Variants in ACSS3 observed in about 807,000 individuals in gnomAD.
ACSS3 encodes acyl-CoA synthetase short chain family member 3.
Under a neutral mutation model 84.2 loss-of-function variants are expected in ACSS3, and 64 were observed. The ratio of observed to expected loss-of-function variants is 0.76; its 90% CI spans 0.62 to 0.94. The LOEUF (loss-of-function observed/expected upper bound fraction) is 0.94. Among genes scored for constraint, ACSS3 ranks in the 40% least tolerant of loss-of-function variants. The pLI is 0.00. For missense variants in ACSS3, 815 were observed against 867.6 expected, an observed-to-expected ratio of 0.94 and a Z score of 0.76; for synonymous variants, 317 against 310.1, an observed-to-expected ratio of 1.02 and a Z score of -0.23.
chr12:81,243,048 A>C (rs1173848734), intron 13 of ACSS3, among the ~76,000 whole-genome samples: 2 of 151,960 alleles, frequency 1.3e-5, no homozygotes, highest in African/African-American at 4.8e-5. Flanking sequence ...GTATTCAATT[A>C]GGAAAAGAGG....
rs1420021613 is a variant in ACSS3, at chr12:81,242,002, T to A, written c.1719+8531T>A. Among the ~76,000 whole-genome samples, 32 of 152,172 alleles carry A rather than the reference T, an allele frequency of 2.1e-4. 1 individual carries two copies. The highest frequency in any genetic ancestry group is 7.3e-5 in the Non-Finnish European group (5 of 68,044). Reference sequence around the variant, plus strand: ...GTTTAAGTCTTTAATCCATCTTGAATTGATTTTCATATAAGGTGTAAGGAA... The same window carrying A: ...GTTTAAGTCTTTAATCCATCTTGAAATGATTTTCATATAAGGTGTAAGGAA... On this transcript the variant is annotated intron_variant, in intron 13 of 15. Transcript: ENST00000548058.
At chr12:81,083,929 A>G (rs1881154642) in intron 1 of ACSS3, among the ~76,000 whole-genome samples, 2 of 152,140 alleles carry the variant, frequency 1.3e-5, no homozygotes, top group South Asian at 4.1e-4. Context: ...ACTGCACTCC[A>G]GCCTGGTGAC....
chr12:81,107,659 A>G (rs1883188470), intron 1 of ACSS3, among the ~76,000 whole-genome samples: 1 of 150,128 alleles, frequency 6.7e-6, no homozygotes, highest in Non-Finnish European at 1.5e-5. Flanking sequence ...TTATGGCCAC[A>G]ATTATACTAT....
rs1255478643 is a variant in ACSS3 at position 81,256,868 on chromosome 12, C to A, written c.*1946C>A. Reference sequence around the variant, plus strand: ...GACTGAATTAAACCAGCTACATAGACACTCTCTCATTTGAAGCTGTTGGGA... The same window carrying A: ...GACTGAATTAAACCAGCTACATAGAAACTCTCTCATTTGAAGCTGTTGGGA... On this transcript the variant is annotated 3_prime_UTR_variant, in exon 16 of 16. Coordinates refer to ENST00000548058, the MANE Select transcript of ACSS3 (RefSeq NM_024560.4). The A allele has an allele frequency of 6.6e-6, 1 of 152,094 alleles. No homozygotes were observed. The highest frequency in any genetic ancestry group is 6.6e-5 in the Admixed American group (1 of 15,266). 9.4% of individuals were successfully genotyped at this position (152,094 alleles called of 1,614,324 possible).
chr12:81,212,881 G>T lies in ACSS3; in HGVS notation c.1355-4020G>T, dbSNP rs112122393. Among the ~76,000 whole-genome samples, 9 of 152,224 alleles carry T rather than the reference G, an allele frequency of 5.9e-5. 1 individual carries two copies. Among genetic ancestry groups the T allele is most frequent in the African/African-American group, 2.2e-4 (9 of 41,542 alleles). ...AATTTCTCTATTAGCTTCTAATGCA[G>T]GGTGAGTATAAATGTGCTAAGGTGA... On this transcript the variant is annotated intron_variant, in intron 9 of 15. Coordinates refer to ENST00000548058, the MANE Select transcript of ACSS3 (RefSeq NM_024560.4).
At chr12:81,166,321 C>T (rs1203591870) in intron 7 of ACSS3, among the ~76,000 whole-genome samples, 7 of 152,146 alleles carry the variant, frequency 4.6e-5, no homozygotes, top group Non-Finnish European at 8.8e-5. Flanking sequence ...CAGTTATCAA[C>T]TGAAGTACTA....
chr12:81,154,888 T>C (rs991735683), intron 7 of ACSS3, among the ~76,000 whole-genome samples: 1 of 152,180 alleles, frequency 6.6e-6, no homozygotes, highest in African/African-American at 2.4e-5. Flanking sequence ...GTGACTTTCC[T>C]CCTGTCTTTC....
In ACSS3 at chr12:81,113,826, C is replaced by T. The variant is rs995328457; in HGVS notation, c.456+4122C>T. On this transcript the variant is annotated intron_variant, in intron 2 of 15. Coordinates refer to ENST00000548058, the MANE Select transcript of ACSS3 (RefSeq NM_024560.4). ...ATGAATATATCCTCCTTGGATTTCCCACACTTATAACTCAGAAGATCTGCA... is the reference window on the plus strand; with the variant it reads ...ATGAATATATCCTCCTTGGATTTCCTACACTTATAACTCAGAAGATCTGCA... Among the ~76,000 whole-genome samples the T allele has an allele frequency of 5.9e-5, 9 of 152,090 alleles. No individual in the cohort carries two copies. The South Asian group carries it at 1.2e-3, about 21-fold the overall frequency.
At chr12:81,087,741 G>A (rs1295195397) in intron 1 of ACSS3, among the ~76,000 whole-genome samples, 2 of 151,982 alleles carry the variant, frequency 1.3e-5, no homozygotes, top group Non-Finnish European at 2.9e-5. Context: ...TACCTAGACT[G>A]TGCCTTCCTC....
At position 81,257,336 on chromosome 12, in the gene ACSS3, A is replaced by T. The variant is rs571179414; in HGVS notation, c.*2414A>T. On this transcript the variant is annotated 3_prime_UTR_variant, in exon 16 of 16. Coordinates refer to ENST00000548058, the MANE Select transcript of ACSS3 (RefSeq NM_024560.4). ...AAGAAAGATATACCTGAATCATCAG[A>T]CTGCTTAAAATTTGGGAGGAAAAAA... 2 of 152,312 alleles carry T rather than the reference A, an allele frequency of 1.3e-5. No individual in the cohort carries two copies. Among genetic ancestry groups the T allele is most frequent in the South Asian group, 4.1e-4 (2 of 4,832 alleles). The allele number at this position is 152,312 out of a possible 1,614,324, so 9.4% of individuals were successfully genotyped here.
In ACSS3 at chr12:81,197,050, AT is replaced by A. The variant is rs573032012; in HGVS notation, c.1251-2282del. On this transcript the variant is annotated intron_variant, in intron 8 of 15. Transcript: ENST00000548058. ...TCTGTGAATATCTTTATATTAGCAGATTTTTTTTTAATTTTCTCAGAAAACG... is the reference window on the plus strand; with the variant it reads ...TCTGTGAATATCTTTATATTAGCAGATTTTTTTTAATTTTCTCAGAAAACG... 8.2e-4 allele frequency among the ~76,000 whole-genome samples: 124 copies of A among 151,802 alleles called. 1 individual carries two copies. The highest frequency in any genetic ancestry group is 2.7e-3 in the African/African-American group (111 of 41,418).
intron 13 of ACSS3, among the ~76,000 whole-genome samples, chr12:81,238,031 C>G (rs996557326): frequency 1.3e-5 from 2 of 151,628 alleles, no homozygotes; most frequent in Non-Finnish European, 2.9e-5. Context: ...GGAAGTTCCC[C>G]TCTATTCGTA....
At chr12:81,233,251 A>G (rs1473775741) in intron 12 of ACSS3, 98 bp from the exon 13 acceptor site, 3 of 1,376,346 alleles carry the variant, frequency 2.2e-6, no homozygotes, top group Non-Finnish European at 3.0e-6. Context: ...TGTTCACAGT[A>G]AATCCATTTC....
intron 1 of ACSS3, among the ~76,000 whole-genome samples, chr12:81,105,744 A>G (rs1236061352): frequency 2.0e-5 from 3 of 152,210 alleles, no homozygotes; most frequent in Non-Finnish European, 4.4e-5. Flanking sequence ...GATCTAAAAC[A>G]GTGTCATATT....
intron 9 of ACSS3, among the ~76,000 whole-genome samples, chr12:81,204,534 T>G (rs1405786503): frequency 6.6e-6 from 1 of 152,182 alleles, no homozygotes; most frequent in Non-Finnish European, 1.5e-5. Context: ...ATGTTTAATG[T>G]TATTTAATCC....
intron 7 of ACSS3, among the ~76,000 whole-genome samples, chr12:81,159,591 T>A (rs569530114): frequency 1.3e-5 from 2 of 152,328 alleles, no homozygotes; most frequent in Admixed American, 1.3e-4. Context: ...AAAAATTGAA[T>A]GGTACTTCTT....
At chr12:81,229,102 A>G (rs1208245955) in intron 11 of ACSS3, among the ~76,000 whole-genome samples, 5 of 151,744 alleles carry the variant, frequency 3.3e-5, no homozygotes, top group Non-Finnish European at 5.9e-5. Flanking sequence ...GTCAGCTGCC[A>G]TTGATTATCA....
At chr12:81,236,386 A>G (rs922686106) in intron 13 of ACSS3, among the ~76,000 whole-genome samples, 19 of 151,566 alleles carry the variant, frequency 1.3e-4, no homozygotes, top group Middle Eastern at 3.4e-3. Flanking sequence ...ATTAATCAAT[A>G]GTAATTTTCC....
intron 8 of ACSS3, among the ~76,000 whole-genome samples, chr12:81,178,582 C>T (rs983524093): frequency 6.6e-6 from 1 of 152,002 alleles, no homozygotes; most frequent in African/African-American, 2.4e-5. Context: ...TAGGAATACA[C>T]CTACAGGTAG....
Sources: gnomAD v4.1 joint callset for allele counts (sites outside exome capture counted in the v4.1 genomes callset) on GRCh38, gnomAD v4.1.1 for gene constraint, MANE v1.5 for transcripts, NCBI Gene and HGNC (gene_info 2026-07-23, HGNC 2026-07-21) for gene names.